The following GABRP variants were observed in gnomAD, a reference collection of about 807,000 sequenced individuals.
The protein encoded by GABRP is gamma-aminobutyric acid receptor subunit pi.
A neutral mutation model predicts 47.8 loss-of-function variants in GABRP; 52 were observed. That is an observed-to-expected ratio of 1.09 (90% CI 0.87 to 1.37). The LOEUF (loss-of-function observed/expected upper bound fraction) is 1.37. Ranked by LOEUF, GABRP falls within the 40% of genes most tolerant of loss-of-function variation. The pLI is 0.00. For synonymous variants in GABRP, 221 were observed against 205.8 expected, an observed-to-expected ratio of 1.07 and a Z score of -0.63; for missense variants, 525 against 542.8, an observed-to-expected ratio of 0.97 and a Z score of 0.33.
intron 5 of GABRP, 139 bp downstream of exon 5, chr5:170,795,564 A>G (rs1765405038): frequency 1.5e-6 from 1 of 676,320 alleles, no homozygotes; most frequent in Admixed American, 2.3e-5. Context: ...CCCCCATAAT[A>G]GAAGGTCCCT....
At position 170,805,682 on chromosome 5, in the gene GABRP, C is replaced by G. The variant is rs1479044007; in HGVS notation, c.542-34C>G. On this transcript the variant is annotated intron_variant, in intron 6 of 9. Transcript: ENST00000265294. ...CCAGACCAGTTCAATCTGGAACACCCTTGCACTGACCAGGGCTCCATTTTA... is the reference window on the plus strand; with the variant it reads ...CCAGACCAGTTCAATCTGGAACACCGTTGCACTGACCAGGGCTCCATTTTA... 4 of 1,612,882 alleles carry G rather than the reference C, an allele frequency of 2.5e-6. No homozygotes were observed. The East Asian group carries it at 8.9e-5, about 36-fold the overall frequency.
intron 4 of GABRP, 69 bp downstream of exon 4, chr5:170,794,367 T>C (rs1233862493): frequency 5.9e-6 from 4 of 678,946 alleles, no homozygotes; most frequent in Non-Finnish European, 7.0e-6. Context: ...ATATGCTTTC[T>C]AGCCGCTCAA....
At position 170,808,715 on chromosome 5, in the gene GABRP, G is replaced by C. The variant is rs1479022881; in HGVS notation, c.795G>C (p.Trp265Cys). 1 of 1,614,094 alleles carries C rather than the reference G, an allele frequency of 6.2e-7. No individual in the cohort carries two copies. Among genetic ancestry groups the C allele is most frequent in the South Asian group, 1.1e-5 (1 of 91,080 alleles). Residue 265 changes from tryptophan to cysteine, a missense_variant, in exon 8 of 10, where the codon TGG (tryptophan) becomes TGC (cysteine). Physicochemically the swap from Trp to Cys is radical, Grantham distance 215. Coordinates refer to ENST00000265294, the MANE Select transcript of GABRP (RefSeq NM_014211.3). The part of the protein sequence containing the change: ...FLVVLSWVSF[W>C]ISLDSVPART... Reference sequence around the variant, plus strand: ...TGGTGTTGTCCTGGGTTTCATTTTGGATCTCTCTCGATTCAGTCCCTGCAA... The same window carrying C: ...TGGTGTTGTCCTGGGTTTCATTTTGCATCTCTCTCGATTCAGTCCCTGCAA...
At chr5:170,782,753 C>A (rs1765038638), upstream of GABRP, 1 of 152,338 alleles carries the variant, frequency 6.6e-6, no homozygotes. Context: ...TAGGCAGGAG[C>A]TTCGCCATGA....
At chr5:170,788,490 G>T (rs555334211) in intron 1 of GABRP, 84 bp from the exon 2 acceptor site, 2 of 890,086 alleles carry the variant, frequency 2.2e-6, no homozygotes, top group Middle Eastern at 2.2e-4. Flanking sequence ...ATGCTGTACC[G>T]ACCACCCACC....
In GABRP at chr5:170,812,623, G is replaced by A; in HGVS notation, c.*365G>A. On this transcript the variant is annotated 3_prime_UTR_variant, in exon 10 of 10. Coordinates refer to ENST00000265294, the MANE Select transcript of GABRP (RefSeq NM_014211.3). ...ATTGGGTAACCCTCAAGTGTCAGAA[G>A]TTGTTTCTAAAGTAACTATACATGT... The A allele has an allele frequency of 5.3e-6, 1 of 187,194 alleles. No individual in the cohort carries two copies. The highest frequency in any genetic ancestry group is 1.1e-5 in the Non-Finnish European group (1 of 88,802). 11.6% of individuals were successfully genotyped at this position (187,194 alleles called of 1,614,324 possible).
At chr5:170,798,203 G>GGTTT (rs1765488016) in intron 6 of GABRP, among the ~76,000 whole-genome samples, 1 of 152,084 alleles carries the variant, frequency 6.6e-6, no homozygotes, top group African/African-American at 2.4e-5. Flanking sequence ...CACCACGCCC[G>GGTTT]GCTAATTTTT....
chr5:170,796,414 C>T (rs527285331), intron 5 of GABRP, among the ~76,000 whole-genome samples: 5 of 152,094 alleles, frequency 3.3e-5, no homozygotes, highest in Non-Finnish European at 5.9e-5. Context: ...ACATGTGTGT[C>T]TGTCTGTATT....
chr5:170,803,846 G>T (rs1056620041), intron 6 of GABRP, among the ~76,000 whole-genome samples: 6 of 152,086 alleles, frequency 3.9e-5, no homozygotes. Flanking sequence ...GCGCAATCTA[G>T]GCTCACTGCA....
intron 9 of GABRP, 78 bp downstream of exon 9, chr5:170,809,833 T>C: frequency 2.9e-6 from 4 of 1,378,350 alleles, no homozygotes; most frequent in Non-Finnish European, 4.0e-6. Flanking sequence ...TGGACCTGGC[T>C]TCTATCCCCA....
intron 6 of GABRP, among the ~76,000 whole-genome samples, chr5:170,804,999 T>A (rs13189769): frequency 1.9e-5 from 2 of 105,912 alleles, no homozygotes; most frequent in East Asian, 5.5e-4. Context: ...ATATTATATA[T>A]TATATATATT....
At chr5:170,783,957 G>A (rs1283938679) in intron 1 of GABRP, 83 bp downstream of exon 1, 1 of 152,306 alleles carries the variant, frequency 6.6e-6, no homozygotes, top group Non-Finnish European at 1.5e-5. Context: ...GGGACCGAGG[G>A]AGGGGGCAGG....
chr5:170,794,297 T>C lies in GABRP; in HGVS notation c.239T>C (p.Met80Thr), dbSNP rs1262982497. ...ASISSISESNMDYTATIYLRQ... is the reference protein window; with the variant it reads ...ASISSISESNTDYTATIYLRQ... ...ATCTCTAGCATTTCAGAGAGTAACA[T>C]GGTAAGCGCTGTTCCTTTGTACTCT... is the stretch of plus-strand genomic sequence containing the variant. Residue 80 changes from methionine (M) to threonine (T), a missense_variant and splice_region_variant, in exon 4 of 10, where the codon ATG becomes ACG. By Grantham distance (81) the Met-to-Thr change is moderately conservative. Coordinates refer to ENST00000265294, the MANE Select transcript of GABRP (RefSeq NM_014211.3). The C allele has an allele frequency of 1.2e-6, 2 of 1,603,248 alleles. No individual in the cohort carries two copies. The highest frequency in any genetic ancestry group is 1.1e-5 in the South Asian group (1 of 90,736).
intron 9 of GABRP, chr5:170,810,029 G>GCAATCCA: frequency 1.4e-6 from 1 of 697,630 alleles, no homozygotes. Flanking sequence ...AACCACAGGA[G>GCAATCCA]CAAGCATCCA....
intron 3 of GABRP, among the ~76,000 whole-genome samples, chr5:170,790,899 A>C (rs1305840270): frequency 6.6e-6 from 1 of 152,196 alleles, no homozygotes; most frequent in African/African-American, 2.4e-5. Flanking sequence ...ACACCTGCTC[A>C]GTTGGAGATG....
At position 170,810,776 on chromosome 5, in the gene GABRP, T is replaced by C. The variant is rs1051396021; in HGVS notation, c.1020+1021T>C. The stretch of plus-strand genomic sequence containing the variant: ...CCCAAAGATCCAGTTGCTTTTTCCC[T>C]TGGGTTTGGCTACAGTGAGTAATGT... On this transcript the variant is annotated intron_variant, in intron 9 of 9. Transcript: ENST00000265294. 4.6e-5 allele frequency among the ~76,000 whole-genome samples: 7 copies of C among 152,166 alleles called. 1 individual carries two copies. In the South Asian group the frequency reaches 6.2e-4, roughly 14 times the overall value.
chr5:170,786,288 G>A (rs551823061), intron 1 of GABRP, among the ~76,000 whole-genome samples: 38 of 152,300 alleles, frequency 2.5e-4, no homozygotes, highest in Admixed American at 1.9e-3. Context: ...GAATATGATC[G>A]TTGGTAGATT....
intron 9 of GABRP, 62 bp downstream of exon 9, chr5:170,809,817 A>G (rs951783177): frequency 2.7e-6 from 4 of 1,502,240 alleles, no homozygotes; most frequent in African/African-American, 1.4e-5. Context: ...ATCTGTAGAC[A>G]TGGGCTGGAC....
intron 7 of GABRP, among the ~76,000 whole-genome samples, chr5:170,807,066 A>G (rs1425898475): frequency 6.6e-6 from 1 of 152,036 alleles, no homozygotes; most frequent in Non-Finnish European, 1.5e-5. Context: ...CTCCCACCTC[A>G]GTCTCACTGG....
Sources: gnomAD v4.1 joint callset for allele counts (sites outside exome capture counted in the v4.1 genomes callset) on GRCh38, gnomAD v4.1.1 for gene constraint, MANE v1.5 for transcripts, NCBI Gene and HGNC (gene_info 2026-07-23, HGNC 2026-07-21) for gene names.